COL23A1: variants seen among roughly 807,000 people sequenced by gnomAD.
COL23A1 encodes collagen type XXIII alpha 1 chain, also known as collagen alpha-1(XXIII) chain.
A neutral mutation model predicts 99.3 loss-of-function variants in COL23A1; 97 were observed. The ratio of observed to expected loss-of-function variants is 0.98; its 90% CI spans 0.83 to 1.16. COL23A1 has a LOEUF of 1.16. Among genes scored for constraint, COL23A1 ranks in the 50% most tolerant of loss-of-function variants. COL23A1 has a pLI of 0.00. For synonymous variants in COL23A1, 320 were observed against 308.2 expected, an observed-to-expected ratio of 1.04 and a Z score of -0.40; for missense variants, 762 against 757.4, an observed-to-expected ratio of 1.01 and a Z score of -0.07.
chr5:178,354,449 C>T (rs1412057169), intron 2 of COL23A1, among the ~76,000 whole-genome samples: 3 of 152,114 alleles, frequency 2.0e-5, no homozygotes, highest in Non-Finnish European at 4.4e-5. Flanking sequence ...CTCAAGTCTC[C>T]TGTTCAACTG....
intron 13 of COL23A1, among the ~76,000 whole-genome samples, chr5:178,257,265 T>TG (rs1765357591): frequency 6.6e-6 from 1 of 152,090 alleles, no homozygotes; most frequent in Admixed American, 6.5e-5. Context: ...GTTCCTGGCT[T>TG]GGGGACAGGG....
At chr5:178,497,792 T>C (rs1758273807) in intron 2 of COL23A1, among the ~76,000 whole-genome samples, 2 of 152,034 alleles carry the variant, frequency 1.3e-5, no homozygotes, top group South Asian at 4.1e-4. Context: ...CTGGAACATA[T>C]ATCAAATATA....
chr5:178,498,255 T>TATAAATAA (rs1323770879), intron 2 of COL23A1, among the ~76,000 whole-genome samples: 2 of 70,948 alleles, frequency 2.8e-5, no homozygotes, highest in East Asian at 2.5e-4. Flanking sequence ...TATATATATA[T>TATAAATAA]ATAAAAGAAC....
At chr5:178,585,783 C>G (rs948596265) in intron 1 of COL23A1, among the ~76,000 whole-genome samples, 1 of 40,036 alleles carries the variant, frequency 2.5e-5, no homozygotes, top group Admixed American at 2.9e-4. Context: ...GCCCAGTCTT[C>G]CTTCCTACCA....
intron 2 of COL23A1, among the ~76,000 whole-genome samples, chr5:178,482,889 G>A (rs1194681555): frequency 2.6e-5 from 4 of 151,932 alleles, no homozygotes; most frequent in Admixed American, 1.3e-4. Flanking sequence ...GCAACAGAGA[G>A]AGACTCCATC....
intron 3 of COL23A1, among the ~76,000 whole-genome samples, chr5:178,297,812 A>C (rs1193394094): frequency 6.6e-6 from 1 of 152,158 alleles, no homozygotes; most frequent in East Asian, 1.9e-4. Flanking sequence ...TGAGGGCTGA[A>C]GAGGGCAAGA....
chr5:178,490,634 A>G (rs1757880524), intron 2 of COL23A1, among the ~76,000 whole-genome samples: 1 of 152,118 alleles, frequency 6.6e-6, no homozygotes, highest in South Asian at 2.1e-4. Context: ...AAAATTAGCC[A>G]GATGTGGTGG....
intron 2 of COL23A1, among the ~76,000 whole-genome samples, chr5:178,495,488 C>A (rs945876582): frequency 2.0e-5 from 3 of 152,268 alleles, no homozygotes; most frequent in Middle Eastern, 6.8e-3. Flanking sequence ...AACATTTAAA[C>A]TTAACAGCCC....
chr5:178,319,087 T>C (rs995283833), intron 2 of COL23A1, among the ~76,000 whole-genome samples: 1 of 151,150 alleles, frequency 6.6e-6, no homozygotes, highest in South Asian at 2.1e-4. Flanking sequence ...GTGTCGGTGC[T>C]GGGTGGCCAG....
chr5:178,444,870 C>T (rs529704743), intron 2 of COL23A1, among the ~76,000 whole-genome samples: 26 of 152,194 alleles, frequency 1.7e-4, no homozygotes, highest in African/African-American at 5.3e-4. Flanking sequence ...TAGTTTTCCC[C>T]GTAGGTGAAA....
rs540243332 is a variant in COL23A1, at chr5:178,554,210, G to A, written c.361+6472C>T. Among the ~76,000 whole-genome samples, 6 of 150,784 alleles carry A rather than the reference G, an allele frequency of 4.0e-5. No homozygotes were observed. The East Asian group carries it at 7.8e-4, about 20-fold the overall frequency. On this transcript the variant is annotated intron_variant, in intron 2 of 28. Coordinates refer to ENST00000390654, the MANE Select transcript of COL23A1 (RefSeq NM_173465.4). ...TTTTTTTTCTTTGAGATGGAGTCTC[G>A]CTCTGTCACCCAGGCTGGGGTGCAA... is the stretch of plus-strand genomic sequence containing the variant.
At chr5:178,356,938 G>A (rs1316340654) in intron 2 of COL23A1, among the ~76,000 whole-genome samples, 2 of 152,178 alleles carry the variant, frequency 1.3e-5, no homozygotes, top group African/African-American at 4.8e-5. Context: ...AATTAGAGAT[G>A]CTGCATAAAA....
intron 2 of COL23A1, among the ~76,000 whole-genome samples, chr5:178,506,597 A>G (rs930689695): frequency 1.3e-5 from 2 of 152,230 alleles, no homozygotes; most frequent in African/African-American, 4.8e-5. Flanking sequence ...ACTCCTGACC[A>G]TATTAACGCA....
At chr5:178,338,418 A>G (rs1336905911) in intron 2 of COL23A1, among the ~76,000 whole-genome samples, 2 of 152,216 alleles carry the variant, frequency 1.3e-5, no homozygotes, top group South Asian at 2.1e-4. Flanking sequence ...CTCAGCAAGG[A>G]CTGCCTTCCC....
intron 2 of COL23A1, among the ~76,000 whole-genome samples, chr5:178,534,422 T>C (rs1760820016): frequency 6.6e-6 from 1 of 152,148 alleles, no homozygotes; most frequent in Non-Finnish European, 1.5e-5. Context: ...TAAAACTCTG[T>C]CCATCACATG....
Position 178,384,708 on chromosome 5 carries a change from C to A in COL23A1, c.362-77789G>T, listed in dbSNP as rs1049608256. Among the ~76,000 whole-genome samples the A allele has an allele frequency of 6.6e-6, 1 of 152,212 alleles. No homozygotes were observed. Among genetic ancestry groups the A allele is most frequent in the Admixed American group, 6.5e-5 (1 of 15,280 alleles). ...AGAAGCCTCCTGGGGGCCTCACCCA[C>A]TGAATCAGAGTGCGCGCTCACAGGG... On this transcript the variant is annotated intron_variant, in intron 2 of 28. Coordinates refer to ENST00000390654, the MANE Select transcript of COL23A1 (RefSeq NM_173465.4). The surrounding 1 kb of genome is among the most constrained non-coding windows in gnomAD (Gnocchi z 5.5).
intron 5 of COL23A1, among the ~76,000 whole-genome samples, chr5:178,274,753 C>A (rs1029124779): frequency 6.6e-6 from 1 of 152,202 alleles, no homozygotes; most frequent in East Asian, 1.9e-4. Context: ...CTTGCAGGGC[C>A]CAGGTTCAAA....
Position 178,242,025 on chromosome 5 carries a change from C to A in COL23A1, c.1581+17G>T. ...AGGCCAAAAAGACCTGGGGCAGGGC[C>A]CTCCTCCGACACCTACCACGGGACA... is the stretch of plus-strand genomic sequence containing the variant. On this transcript the variant is annotated intron_variant, in intron 27 of 28. Coordinates refer to ENST00000390654, the MANE Select transcript of COL23A1 (RefSeq NM_173465.4). 1 of 1,547,350 alleles carries A rather than the reference C, an allele frequency of 6.5e-7. No individual in the cohort carries two copies. The highest frequency in any genetic ancestry group is 1.2e-5 in the South Asian group (1 of 83,866).
At chr5:178,334,392 G>A (rs566215249) in intron 2 of COL23A1, among the ~76,000 whole-genome samples, 9 of 152,354 alleles carry the variant, frequency 5.9e-5, no homozygotes, top group Middle Eastern at 3.4e-3. Context: ...AATGATTTCC[G>A]TTTGTGGGCA....
Sources: gnomAD v4.1 joint callset for allele counts (sites outside exome capture counted in the v4.1 genomes callset) on GRCh38, gnomAD v4.1.1 for gene constraint, Gnocchi (gnomAD v3.1) non-coding constraint, MANE v1.5 for transcripts, NCBI Gene and HGNC (gene_info 2026-07-23, HGNC 2026-07-21) for gene names.